MEIS2: variants seen among roughly 807,000 people sequenced by gnomAD.
MEIS2 encodes Meis homeobox 2, also known as homeobox protein Meis2.
MEIS2 carries 9 observed loss-of-function variants against 58.6 expected under a neutral mutation model. The ratio of observed to expected loss-of-function variants is 0.15; its 90% CI spans 0.09 to 0.27. The LOEUF (loss-of-function observed/expected upper bound fraction) is 0.27, where lower values mean the gene tolerates loss of function less well. Ranked by LOEUF, MEIS2 falls within the 10% of genes least tolerant of loss-of-function variation. The probability of loss-of-function intolerance (pLI) is 1.00; values close to 1 mark genes in which losing one functional copy is unlikely to be tolerated. For missense variants in MEIS2, 427 were observed against 635.0 expected, an observed-to-expected ratio of 0.67 and a Z score of 3.52; for synonymous variants, 221 against 228.4, an observed-to-expected ratio of 0.97 and a Z score of 0.29.
intron 9 of MEIS2, among the ~76,000 whole-genome samples, chr15:36,900,374 A>G (rs2056406042): frequency 6.6e-6 from 1 of 152,168 alleles, no homozygotes. Flanking sequence ...ATTGATTTGT[A>G]TTGAACACAA....
At chr15:36,920,546 T>A (rs922661927) in intron 9 of MEIS2, among the ~76,000 whole-genome samples, 1 of 152,320 alleles carries the variant, frequency 6.6e-6, no homozygotes. Context: ...GTTTCACTGA[T>A]AAATAAAAAC....
chr15:36,917,041 T>C (rs568087520), intron 9 of MEIS2, among the ~76,000 whole-genome samples: 64 of 152,162 alleles, frequency 4.2e-4, no homozygotes, highest in African/African-American at 1.3e-3. Context: ...GTGCAAATGA[T>C]TGGGGGCTAG....
chr15:36,988,334 A>G (rs1340691292), intron 8 of MEIS2, among the ~76,000 whole-genome samples: 3 of 152,214 alleles, frequency 2.0e-5, no homozygotes, highest in Admixed American at 6.5e-5. Context: ...AGGAAACTTT[A>G]TCCTTTGGGG....
rs937127137 is a variant in MEIS2, at chr15:36,950,213, T to C, written c.977+111A>G. The C allele has an allele frequency of 7.3e-6, 7 of 960,726 alleles. No homozygotes were observed. The African/African-American group carries it at 1.2e-4, about 16-fold the overall frequency. The allele number at this position is 960,726 out of a possible 1,614,324, so 59.5% of individuals were successfully genotyped here. A position where few individuals can be genotyped will look rare whatever the true frequency, so the allele number is the denominator to read the frequency against. Reference sequence around the variant, plus strand: ...CACCTCGAGGTAGAAACACAGAAGTTATCCTCCTCGATTTCATTTGTTTTA... The same window carrying C: ...CACCTCGAGGTAGAAACACAGAAGTCATCCTCCTCGATTTCATTTGTTTTA... On this transcript the variant is annotated intron_variant, in intron 9 of 11. Transcript: ENST00000561208.
At chr15:37,076,698 C>T (rs550125963) in intron 7 of MEIS2, among the ~76,000 whole-genome samples, 9 of 152,006 alleles carry the variant, frequency 5.9e-5, no homozygotes, top group African/African-American at 1.7e-4. Flanking sequence ...TAAATTTATC[C>T]TATAATATGA....
intron 8 of MEIS2, among the ~76,000 whole-genome samples, chr15:36,992,807 C>T (rs1410428343): frequency 6.7e-6 from 1 of 150,074 alleles, no homozygotes; most frequent in African/African-American, 2.5e-5. Flanking sequence ...AGAAGGGGGG[C>T]GATGAGAGGA....
At chr15:36,936,562 A>G (rs1486586606) in intron 9 of MEIS2, among the ~76,000 whole-genome samples, 1 of 152,216 alleles carries the variant, frequency 6.6e-6, no homozygotes, top group African/African-American at 2.4e-5. Context: ...GAGTTTTGGT[A>G]GAGGAATGTG....
intron 7 of MEIS2, among the ~76,000 whole-genome samples, chr15:37,040,211 C>T (rs1367239050): frequency 1.3e-5 from 2 of 152,114 alleles, no homozygotes; most frequent in African/African-American, 4.8e-5. Context: ...AAGGAGATAG[C>T]ATCTGAAGTT....
chr15:37,067,165 C>T lies in MEIS2; in HGVS notation c.754+16606G>A, dbSNP rs1036120752. Among the ~76,000 whole-genome samples, 3 of 150,744 alleles carry T rather than the reference C, an allele frequency of 2.0e-5. No homozygotes were observed. In the South Asian group the frequency reaches 6.3e-4, roughly 32 times the overall value. Reference sequence around the variant, plus strand: ...AGTGCAGTGGCATGATCTCGGCTCACTGCAACCTCCATCTCCTGGGCTCAA... The same window carrying T: ...AGTGCAGTGGCATGATCTCGGCTCATTGCAACCTCCATCTCCTGGGCTCAA... On this transcript the variant is annotated intron_variant, in intron 7 of 11. Transcript: ENST00000561208.
intron 9 of MEIS2, among the ~76,000 whole-genome samples, chr15:36,922,676 A>C (rs1293689554): frequency 1.4e-5 from 2 of 143,324 alleles, no homozygotes; most frequent in East Asian, 4.1e-4. Context: ...GCTGGAGTGC[A>C]GTGGTGTGAT....
chr15:37,061,071 C>T (rs1480661919), intron 7 of MEIS2, among the ~76,000 whole-genome samples: 2 of 152,274 alleles, frequency 1.3e-5, no homozygotes, highest in East Asian at 1.9e-4. Flanking sequence ...AGATTTGTAT[C>T]TGATCCTCTT....
At position 36,997,771 on chromosome 15, in the gene MEIS2, G is replaced by T. The variant is rs924252144; in HGVS notation, c.900+39043C>A. ...GCTGGGATTACAGGCATGAGCCACC[G>T]TGCCCGGCCTTGATTTCTCTCTTTA... On this transcript the variant is annotated intron_variant, in intron 8 of 11. Transcript: ENST00000561208. Among the ~76,000 whole-genome samples, 5 of 152,250 alleles carry T rather than the reference G, an allele frequency of 3.3e-5. No homozygotes were observed. The East Asian group carries it at 9.7e-4, about 29-fold the overall frequency.
At position 37,099,582 on chromosome 15, in the gene MEIS2, T is replaced by A; in HGVS notation, c.-116A>T. 6.9e-7 allele frequency: 1 copy of A among 1,449,504 alleles called. No individual in the cohort carries two copies. The highest frequency in any genetic ancestry group is 1.3e-5 in the South Asian group (1 of 76,078). 89.8% of individuals were successfully genotyped at this position (1,449,504 alleles called of 1,614,324 possible). ...TTTTTTTCCAAACCAAAGAGACTTCTCCCAATTCTCCAATATGCTATTTTT... is the reference window on the plus strand; with the variant it reads ...TTTTTTTCCAAACCAAAGAGACTTCACCCAATTCTCCAATATGCTATTTTT... On this transcript the variant is annotated 5_prime_UTR_variant, in exon 1 of 12. Transcript: ENST00000561208.
At chr15:37,082,201 A>C (rs1043220409) in intron 7 of MEIS2, among the ~76,000 whole-genome samples, 1 of 152,188 alleles carries the variant, frequency 6.6e-6, no homozygotes, top group Non-Finnish European at 1.5e-5. Context: ...TTGAAGCGTT[A>C]ACGTAATTGC....
intron 8 of MEIS2, among the ~76,000 whole-genome samples, chr15:36,952,728 A>AGATTACTG (rs2058805897): frequency 6.6e-6 from 1 of 151,810 alleles, no homozygotes. Flanking sequence ...TTGAAATGGG[A>AGATTACTG]GATTACTGGA....
At chr15:36,926,615 A>G (rs555931749) in intron 9 of MEIS2, among the ~76,000 whole-genome samples, 106 of 152,350 alleles carry the variant, frequency 7.0e-4, no homozygotes, top group African/African-American at 2.4e-3. Flanking sequence ...AAATAACCCA[A>G]TTGCGGTTTG....
At chr15:37,052,834 C>T (rs1029051789) in intron 7 of MEIS2, among the ~76,000 whole-genome samples, 3 of 152,152 alleles carry the variant, frequency 2.0e-5, no homozygotes, top group African/African-American at 7.2e-5. Context: ...CTCAAAACGG[C>T]ACAAAAGCAA....
intron 7 of MEIS2, among the ~76,000 whole-genome samples, chr15:37,074,017 G>GT (rs1156888565): frequency 1.3e-5 from 2 of 151,842 alleles, no homozygotes; most frequent in Non-Finnish European, 2.9e-5. Context: ...AATTATTTAG[G>GT]TTTTTTTCTG....
chr15:37,084,439 A>G (rs1213804036), intron 6 of MEIS2, among the ~76,000 whole-genome samples: 2 of 152,190 alleles, frequency 1.3e-5, no homozygotes, highest in African/African-American at 2.4e-5. Flanking sequence ...AAAATTATCA[A>G]CTGATTGACT....
Sources: gnomAD v4.1 joint callset for allele counts (sites outside exome capture counted in the v4.1 genomes callset) on GRCh38, gnomAD v4.1.1 for gene constraint, MANE v1.5 for transcripts, NCBI Gene and HGNC (gene_info 2026-07-23, HGNC 2026-07-21) for gene names.